STYXL2: variants seen among roughly 807,000 people sequenced by gnomAD.
STYXL2 encodes the protein serine/threonine/tyrosine interacting like 2, also known as serine/threonine/tyrosine-interacting-like protein 2.
In STYXL2, 44 loss-of-function variants were observed where a neutral mutation model predicts 52.4. That is an observed-to-expected ratio of 0.84 (90% confidence interval 0.66 to 1.08). The LOEUF (loss-of-function observed/expected upper bound fraction) is 1.08. STYXL2 is among the 50% of genes least tolerant of loss of function. The probability of loss-of-function intolerance (pLI) is 0.00; values close to 1 mark genes in which losing one functional copy is unlikely to be tolerated. For synonymous variants in STYXL2, 604 were observed against 586.9 expected, an observed-to-expected ratio of 1.03 and a Z score of -0.42; for missense variants, 1,604 against 1,471.7, an observed-to-expected ratio of 1.09 and a Z score of -1.47.
In STYXL2 at chr1:167,126,698, G is replaced by C; in HGVS notation, c.1567G>C (p.Val523Leu). The change falls in exon 6 of 6, where the codon GTG (valine) becomes CTG (leucine). Residue 523 changes from valine (V) to leucine (L), a missense_variant. Val to Leu is a conservative substitution (Grantham distance 32, BLOSUM62 1). Transcript: ENST00000361200. The stretch of plus-strand genomic sequence containing the variant: ...GGTGCGGGAGGATGATGAGGACAGC[G>C]TGGGCTCTGAGGCCAGTTCCTTCTA... ...SRVREDDEDS[V>L]GSEASSFYNF... is the part of the protein sequence containing the mutation. 2 of 1,614,188 alleles carry C rather than the reference G, an allele frequency of 1.2e-6. No individual in the cohort carries two copies. The highest frequency in any genetic ancestry group is 1.7e-6 in the Non-Finnish European group (2 of 1,180,028).
chr1:167,105,601 C>A (rs1489130082), intron 2 of STYXL2, among the ~76,000 whole-genome samples: 3 of 152,062 alleles, frequency 2.0e-5, no homozygotes, highest in Non-Finnish European at 4.4e-5. Flanking sequence ...TTGTTCAGGT[C>A]TCTCCCTCCT....
intron 3 of STYXL2, 94 bp from the exon 4 acceptor site, chr1:167,117,234 G>C: frequency 8.7e-7 from 1 of 1,154,576 alleles, no homozygotes. Context: ...CCAGAATCCT[G>C]GCAGCAAACT....
At chr1:167,117,889 G>A (rs1667763757) in intron 4 of STYXL2, among the ~76,000 whole-genome samples, 1 of 152,134 alleles carries the variant, frequency 6.6e-6, no homozygotes, top group African/African-American at 2.4e-5. Context: ...CCACAGAACC[G>A]GACACTAGGA....
At chr1:167,122,394 C>T (rs946235349) in intron 5 of STYXL2, among the ~76,000 whole-genome samples, 1 of 152,112 alleles carries the variant, frequency 6.6e-6, no homozygotes, top group Admixed American at 6.6e-5. Context: ...AATTTCCTGC[C>T]TCAGTCCCAT....
At position 167,126,400 on chromosome 1, in the gene STYXL2, T is replaced by C. The variant is rs755364076; in HGVS notation, c.1269T>C (p.Ala423=). The C allele has an allele frequency of 5.1e-6, 8 of 1,557,416 alleles. No homozygotes were observed. In the South Asian group the frequency reaches 8.3e-5, roughly 16 times the overall value. Reference sequence around the variant, plus strand: ...AGGAGAAGGAGGAGGAGAGCGACGCTGGCTCCTCGGTGGGGAGGCGGCGGC... The same window carrying C: ...AGGAGAAGGAGGAGGAGAGCGACGCCGGCTCCTCGGTGGGGAGGCGGCGGC... ...REEEKEEESD[A]GSSVGRRRRT... is the part of the protein sequence containing the mutation. The change falls in exon 6 of 6, where the codon GCT becomes GCC. Residue 423 remains alanine, a synonymous_variant. Coordinates refer to ENST00000361200, the MANE Select transcript of STYXL2 (RefSeq NM_001080426.3).
At chr1:167,118,835 T>C (rs925076163) in intron 4 of STYXL2, among the ~76,000 whole-genome samples, 2 of 152,236 alleles carry the variant, frequency 1.3e-5, no homozygotes, top group African/African-American at 4.8e-5. Context: ...TAACATAAAA[T>C]AATGCATGTG....
chr1:167,126,644 G>A lies in STYXL2; in HGVS notation c.1513G>A (p.Ala505Thr), dbSNP rs3795605. 306,881 of 1,613,890 alleles carry A rather than the reference G, an allele frequency of 0.19. 37,925 individuals carry two copies. The highest frequency in any genetic ancestry group is 0.76 in the East Asian group (34,247 of 44,830). ...CGCCAAGAGCAAGAGAGAGGAGGCG[G>A]CAGACAGGAGCTCAGAAGCAGGGAG... Reference protein sequence around the residue: ...YHAKSKREEAADRSSEAGSRV... With the variant: ...YHAKSKREEATDRSSEAGSRV... The change falls in exon 6 of 6, where the codon GCA (alanine) becomes ACA (threonine). Residue 505 changes from alanine to threonine, a missense_variant. Physicochemically the swap from Ala to Thr is moderately conservative, Grantham distance 58. Coordinates refer to ENST00000361200, the MANE Select transcript of STYXL2 (RefSeq NM_001080426.3).
chr1:167,125,984 G>C lies in STYXL2; in HGVS notation c.853G>C (p.Asp285His), dbSNP rs908589698. ...NEKLMEEREE[D>H]YGREGGSAEA... ...GAAGTTGATGGAGGAGAGAGAAGAG[G>C]ACTATGGCCGGGAGGGGGGATCAGC... Residue 285 changes from aspartate (D) to histidine (H), a missense_variant, in exon 6 of 6, where the codon GAC (aspartate) becomes CAC (histidine). Physicochemically the swap from Asp to His is moderately conservative, Grantham distance 81. Transcript: ENST00000361200. 6.2e-7 allele frequency: 1 copy of C among 1,612,558 alleles called. No individual in the cohort carries two copies. Among genetic ancestry groups the C allele is most frequent in the African/African-American group, 1.3e-5 (1 of 74,888 alleles).
At chr1:167,123,943 G>A (rs1459718222) in intron 5 of STYXL2, among the ~76,000 whole-genome samples, 2 of 151,572 alleles carry the variant, frequency 1.3e-5, no homozygotes, top group African/African-American at 4.9e-5. Context: ...TTTGAGACAG[G>A]GTCTCATTCT....
chr1:167,096,130 T>A (rs528946322), intron 2 of STYXL2, among the ~76,000 whole-genome samples: 2 of 152,186 alleles, frequency 1.3e-5, no homozygotes, highest in East Asian at 3.9e-4. Context: ...TGGTGGTAGG[T>A]GCCTGTAATC....
Position 167,119,484 on chromosome 1 carries a change from C to T in STYXL2, c.655+18C>T, listed in dbSNP as rs1349252509. The T allele has an allele frequency of 1.9e-6, 3 of 1,607,338 alleles. No individual in the cohort carries two copies. The African/African-American group carries it at 4.0e-5, about 21-fold the overall frequency. Reference sequence around the variant, plus strand: ...TTACAGAGGTGAGAGGGATCTGCCGCTCCAGGCTGCTGGAATTCCACGGGG... The same window carrying T: ...TTACAGAGGTGAGAGGGATCTGCCGTTCCAGGCTGCTGGAATTCCACGGGG... On this transcript the variant is annotated intron_variant, in intron 5 of 5. Transcript: ENST00000361200.
intron 5 of STYXL2, 96 bp from the exon 6 acceptor site, chr1:167,125,691 A>G (rs1353040606): frequency 2.1e-6 from 3 of 1,456,670 alleles, no homozygotes; most frequent in East Asian, 2.5e-5. Context: ...TAAGTGCAGC[A>G]TATTAAAACA....
At chr1:167,119,925 G>A (rs1667815245) in intron 5 of STYXL2, among the ~76,000 whole-genome samples, 1 of 152,178 alleles carries the variant, frequency 6.6e-6, no homozygotes, top group Non-Finnish European at 1.5e-5. Flanking sequence ...GAGCATTCCT[G>A]CAGAAGAGAA....
chr1:167,120,870 A>G (rs1033965275), intron 5 of STYXL2, among the ~76,000 whole-genome samples: 3 of 69,170 alleles, frequency 4.3e-5, no homozygotes, highest in African/African-American at 1.4e-4. Flanking sequence ...ATATATATAT[A>G]TATATATATA....
At chr1:167,121,392 G>A (rs1667854236) in intron 5 of STYXL2, among the ~76,000 whole-genome samples, 1 of 152,248 alleles carries the variant, frequency 6.6e-6, no homozygotes. Flanking sequence ...GGCGTAAGGA[G>A]TGTGTCCCAC....
At position 167,113,832 on chromosome 1, in the gene STYXL2, C is replaced by G. The variant is rs76751840; in HGVS notation, c.205+28C>G. 1.0e-3 allele frequency: 1,589 copies of G among 1,566,444 alleles called. 12 individuals are homozygous for G. The African/African-American group carries it at 0.019, about 19-fold the overall frequency. ...AATGCAATCAAAAGCTGGGTGGAAG[C>G]AAAGTCCAGTGGTCATCTGGAGACC... On this transcript the variant is annotated intron_variant, in intron 3 of 5. Transcript: ENST00000361200.
intron 2 of STYXL2, among the ~76,000 whole-genome samples, chr1:167,104,024 A>G (rs2102225884): frequency 6.6e-6 from 1 of 152,022 alleles, no homozygotes; most frequent in East Asian, 1.9e-4. Flanking sequence ...GGAGGCTGAG[A>G]CAGGTGAATG....
intron 3 of STYXL2, among the ~76,000 whole-genome samples, chr1:167,114,325 A>T (rs1335324522): frequency 6.6e-6 from 1 of 152,250 alleles, no homozygotes; most frequent in African/African-American, 2.4e-5. Flanking sequence ...TTTTTCACTC[A>T]AAGATACTTA....
chr1:167,109,942 A>G (rs527594396), intron 2 of STYXL2, among the ~76,000 whole-genome samples: 42 of 152,316 alleles, frequency 2.8e-4, no homozygotes, highest in African/African-American at 1.0e-3. Flanking sequence ...AAACAAACCT[A>G]TAACCAAGGA....
Sources: gnomAD v4.1 joint callset for allele counts (sites outside exome capture counted in the v4.1 genomes callset) on GRCh38, gnomAD v4.1.1 for gene constraint, MANE v1.5 for transcripts, NCBI Gene and HGNC (gene_info 2026-07-23, HGNC 2026-07-21) for gene names.